The following C12orf56 variants were observed in gnomAD, a reference collection of about 807,000 sequenced individuals.
The protein encoded by C12orf56 is chromosome 12 open reading frame 56, also known as uncharacterized protein C12orf56.
A neutral mutation model predicts 69.9 loss-of-function variants in C12orf56; 71 were observed. That is an observed-to-expected ratio of 1.02 (90% CI 0.84 to 1.24). C12orf56 has a LOEUF of 1.24. C12orf56 is among the 50% of genes most tolerant of loss of function. The pLI is 0.00. For missense variants in C12orf56, 732 were observed against 738.5 expected (o/e 0.99, Z 0.10); for synonymous variants, 276 against 274.1 (o/e 1.01, Z -0.07).
Position 64,353,466 on chromosome 12 carries a change from CT to C in C12orf56, c.253-411del, listed in dbSNP as rs1189500817. 1.9e-3 allele frequency among the ~76,000 whole-genome samples: 283 copies of C among 145,564 alleles called. 2 individuals carry two copies. The East Asian group carries it at 0.027, about 14-fold the overall frequency. On this transcript the variant is annotated intron_variant, in intron 1 of 12. Transcript: ENST00000543942. ...GCCACCGCAAAGTTTAAACTGAGTT[CT>C]TTTTTTTTTTCCCCTTCATTTTATC...
At chr12:64,275,104 T>C in intron 10 of C12orf56, 129 bp from the exon 11 acceptor site, 1 of 984,022 alleles carries the variant, frequency 1.0e-6, no homozygotes, top group East Asian at 2.6e-5. Context: ...GAAAATAAAC[T>C]AGATGAGCAC....
chr12:64,368,384 T>C (rs1451423980), intron 1 of C12orf56, among the ~76,000 whole-genome samples: 1 of 152,100 alleles, frequency 6.6e-6, no homozygotes, highest in Non-Finnish European at 1.5e-5. Flanking sequence ...TGGTGGCAAA[T>C]TTCTTCATTT....
At chr12:64,321,113 T>A (rs2038766868) in intron 3 of C12orf56, among the ~76,000 whole-genome samples, 1 of 152,322 alleles carries the variant, frequency 6.6e-6, no homozygotes, top group East Asian at 1.9e-4. Flanking sequence ...TTCCTAATTT[T>A]AAAATAGAAA....
intron 1 of C12orf56, among the ~76,000 whole-genome samples, chr12:64,375,887 C>T (rs1343046293): frequency 6.6e-6 from 1 of 152,126 alleles, no homozygotes; most frequent in Admixed American, 6.6e-5. Context: ...TCAGCGACAA[C>T]CAGCTCAGTA....
At chr12:64,382,704 C>G (rs2039735563) in intron 1 of C12orf56, among the ~76,000 whole-genome samples, 1 of 151,630 alleles carries the variant, frequency 6.6e-6, no homozygotes, top group African/African-American at 2.4e-5. Context: ...GAAACCCCAT[C>G]TCTACTAAAA....
chr12:64,313,274 A>AAAAGAAAGAAAG (rs760452951), intron 4 of C12orf56, among the ~76,000 whole-genome samples: 14 of 81,408 alleles, frequency 1.7e-4, no homozygotes, highest in South Asian at 5.3e-4. Context: ...AAAAAAAAAA[A>AAAAGAAAGAAAG]AAAGAAAGAA....
chr12:64,323,499 A>C (rs978567396), intron 3 of C12orf56, among the ~76,000 whole-genome samples: 5 of 151,378 alleles, frequency 3.3e-5, no homozygotes, highest in African/African-American at 1.2e-4. Flanking sequence ...CCTAAAATGC[A>C]TTTCTGTCAC....
At chr12:64,354,223 C>A (rs2039275378) in intron 1 of C12orf56, among the ~76,000 whole-genome samples, 1 of 152,170 alleles carries the variant, frequency 6.6e-6, no homozygotes, top group Non-Finnish European at 1.5e-5. Flanking sequence ...ACATTTAGAT[C>A]TTCTCTGCAA....
intron 5 of C12orf56, among the ~76,000 whole-genome samples, chr12:64,307,089 C>T (rs1459468521): frequency 1.3e-5 from 2 of 152,112 alleles, no homozygotes; most frequent in Non-Finnish European, 2.9e-5. Context: ...CACACACACA[C>T]AGAATTTGAG....
chr12:64,354,763 G>GTT (rs1278809395), intron 1 of C12orf56, among the ~76,000 whole-genome samples: 2 of 143,346 alleles, frequency 1.4e-5, no homozygotes, highest in Non-Finnish European at 3.0e-5. Flanking sequence ...CACCGCACCT[G>GTT]GTCTACTCCC....
chr12:64,337,870 A>AAAAC (rs2039017906), intron 2 of C12orf56, among the ~76,000 whole-genome samples: 1 of 151,866 alleles, frequency 6.6e-6, no homozygotes, highest in Admixed American at 6.6e-5. Flanking sequence ...AAAAAAAAAA[A>AAAAC]AAAACACCAG....
chr12:64,311,153 A>G (rs1345770302), intron 5 of C12orf56, among the ~76,000 whole-genome samples: 2 of 151,950 alleles, frequency 1.3e-5, no homozygotes, highest in African/African-American at 2.4e-5. Context: ...AGTCTTTGCT[A>G]TTGCCAGGCG....
intron 6 of C12orf56, among the ~76,000 whole-genome samples, chr12:64,294,787 A>G (rs903411839): frequency 1.3e-5 from 2 of 152,138 alleles, no homozygotes; most frequent in Non-Finnish European, 2.9e-5. Context: ...CTGATTGTGA[A>G]TAAACTTGAT....
chr12:64,352,113 T>TG (rs1565770188), intron 2 of C12orf56, among the ~76,000 whole-genome samples: 2 of 75,044 alleles, frequency 2.7e-5, no homozygotes, highest in African/African-American at 8.2e-5. Context: ...TTTTTTTTTT[T>TG]TTGTTTTTTT....
At chr12:64,317,181 C>T (rs944271522) in intron 4 of C12orf56, among the ~76,000 whole-genome samples, 6 of 152,098 alleles carry the variant, frequency 3.9e-5, no homozygotes, top group African/African-American at 1.4e-4. Context: ...GTCTTCCAAA[C>T]AGTGGTATGA....
In C12orf56 at chr12:64,265,066, C is replaced by T. The variant is rs2037906901; in HGVS notation, c.*2117G>A. ...GCCTGCATGACTACTAGCCCAGATC[C>T]AGGGCACTGCGGAGAAGCTAAGGCA... On this transcript the variant is annotated 3_prime_UTR_variant, in exon 13 of 13. Transcript: ENST00000543942. 1 of 152,198 alleles carries T rather than the reference C, an allele frequency of 6.6e-6. No individual in the cohort carries two copies. Among genetic ancestry groups the T allele is most frequent in the Non-Finnish European group, 1.5e-5 (1 of 68,072 alleles). 9.4% of individuals were successfully genotyped at this position (152,198 alleles called of 1,614,324 possible).
chr12:64,282,962 G>A (rs1483285182), intron 8 of C12orf56, among the ~76,000 whole-genome samples: 1 of 151,784 alleles, frequency 6.6e-6, no homozygotes, highest in Admixed American at 6.6e-5. Flanking sequence ...GACCAACATG[G>A]TGAAACGCCA....
chr12:64,363,348 A>G (rs978761583), intron 1 of C12orf56, among the ~76,000 whole-genome samples: 6 of 152,182 alleles, frequency 3.9e-5, no homozygotes, highest in Non-Finnish European at 8.8e-5. Flanking sequence ...CTGTGAGGCT[A>G]AAAGGATAGG....
At chr12:64,331,078 T>C in intron 2 of C12orf56, 46 bp from the exon 3 acceptor site, 1 of 1,429,558 alleles carries the variant, frequency 7.0e-7, no homozygotes, top group African/African-American at 1.4e-5. Flanking sequence ...ATAATTTGAT[T>C]GAAATTATGA....
Sources: gnomAD v4.1 joint callset for allele counts (sites outside exome capture counted in the v4.1 genomes callset) on GRCh38, gnomAD v4.1.1 for gene constraint, MANE v1.5 for transcripts, NCBI Gene and HGNC (gene_info 2026-07-23, HGNC 2026-07-21) for gene names.